Variants in KLF8 observed in about 807,000 individuals in gnomAD.
The protein encoded by KLF8 is Krueppel-like factor 8.
A neutral mutation model predicts 18.2 loss-of-function variants in KLF8; 10 were observed. The observed-to-expected ratio is 0.55, with a 90% CI of 0.34 to 0.93. The LOEUF (loss-of-function observed/expected upper bound fraction) is 0.93, where lower values mean the gene tolerates loss of function less well. Among genes scored for constraint, KLF8 ranks in the 40% least tolerant of loss-of-function variants. The pLI is 0.02. For synonymous variants in KLF8, 109 were observed against 97.3 expected (o/e 1.12, Z -0.71); for missense variants, 264 against 277.9 (o/e 0.95, Z 0.36).
the KLF8 span, among the ~76,000 whole-genome samples, chrX:56,035,832 C>A: frequency 9.0e-6 from 1 of 111,421 alleles, no homozygotes; most frequent in Non-Finnish European, 1.9e-5. Flanking sequence ...GGCTTTTTTG[C>A]TGTTGAGATG....
At chrX:56,058,302 A>ACATATATATATATATATG in the KLF8 span, among the ~76,000 whole-genome samples, 93 of 66,475 alleles carry the variant, frequency 1.4e-3, 2 homozygotes, top group African/African-American at 5.8e-3. Context: ...ATATATATAT[A>ACATATATATATATATATG]TATATATATA....
chrX:56,171,646 G>A, the KLF8 span, among the ~76,000 whole-genome samples: 1 of 111,467 alleles, frequency 9.0e-6, no homozygotes, highest in East Asian at 2.8e-4. Context: ...CCTTGTGATG[G>A]TTTGCTCAGA....
chrX:56,069,465 C>A, the KLF8 span, among the ~76,000 whole-genome samples: 15 of 111,549 alleles, frequency 1.3e-4, no homozygotes, highest in Non-Finnish European at 2.8e-4. Flanking sequence ...AAGCCCGCTT[C>A]TGTGGAAACT....
chrX:56,063,226 C>A, the KLF8 span, among the ~76,000 whole-genome samples: 1 of 111,269 alleles, frequency 9.0e-6, no homozygotes, highest in Non-Finnish European at 1.9e-5. Context: ...GATTTTGGAT[C>A]CTTTGTAGGA....
At chrX:56,277,537 C>A (rs2067138709) in intron 5 of KLF8, among the ~76,000 whole-genome samples, 2 of 112,150 alleles carry the variant, frequency 1.8e-5, no homozygotes, top group African/African-American at 6.5e-5. Context: ...GCCACCTAGA[C>A]CTGAGAGTGG....
At chrX:55,965,607 A>G in the KLF8 span, among the ~76,000 whole-genome samples, 3 of 112,339 alleles carry the variant, frequency 2.7e-5, no homozygotes, top group Non-Finnish European at 3.8e-5. Flanking sequence ...TTCTCTTCAC[A>G]GATGATATAA....
chrX:56,202,559 T>TCCCCCC, the KLF8 span, among the ~76,000 whole-genome samples: 2 of 75,803 alleles, frequency 2.6e-5, no homozygotes, highest in African/African-American at 4.8e-5. Context: ...CCATTAACCT[T>TCCCCCC]CCCCCCCCCT....
the KLF8 span, among the ~76,000 whole-genome samples, chrX:56,159,444 A>G: frequency 8.9e-6 from 1 of 112,709 alleles, no homozygotes; most frequent in Non-Finnish European, 1.9e-5. Context: ...ATTGATTGGA[A>G]TAGTTTCAGA....
At chrX:56,220,611 G>T in the KLF8 span, among the ~76,000 whole-genome samples, 1 of 110,323 alleles carries the variant, frequency 9.1e-6, no homozygotes, top group Admixed American at 9.6e-5. Flanking sequence ...TCAGCCTCCC[G>T]AGTAGTTGGG....
At chrX:56,130,912 G>C in the KLF8 span, among the ~76,000 whole-genome samples, 1 of 111,703 alleles carries the variant, frequency 9.0e-6, no homozygotes, top group Non-Finnish European at 1.9e-5. Flanking sequence ...GAACTTCAGT[G>C]CTCAAACACA....
At chrX:56,265,786 A>G in intron 3 of KLF8, 42 bp downstream of exon 3, 2 of 1,163,733 alleles carry the variant, frequency 1.7e-6, no homozygotes, top group Non-Finnish European at 1.1e-6. Context: ...TCCTGAATCT[A>G]TTCCCTTTTA....
chrX:56,052,641 G>A, the KLF8 span, among the ~76,000 whole-genome samples: 1 of 111,942 alleles, frequency 8.9e-6, no homozygotes, highest in Non-Finnish European at 1.9e-5. Context: ...ATCTCCAGCT[G>A]CGTGCTGGGA....
chrX:56,271,956 A>G (rs2067062925), intron 5 of KLF8, among the ~76,000 whole-genome samples: 1 of 111,798 alleles, frequency 8.9e-6, no homozygotes, highest in Non-Finnish European at 1.9e-5. Flanking sequence ...ATATACTAAA[A>G]GTCTGGCTGT....
chrX:56,095,340 A>C, the KLF8 span, among the ~76,000 whole-genome samples: 1 of 112,751 alleles, frequency 8.9e-6, no homozygotes, highest in African/African-American at 3.2e-5. Flanking sequence ...TTTAATACTT[A>C]AATGTAAGAC....
At chrX:56,104,657 A>G in the KLF8 span, among the ~76,000 whole-genome samples, 1 of 111,392 alleles carries the variant, frequency 9.0e-6, no homozygotes, top group African/African-American at 3.3e-5. Flanking sequence ...GATCTTTTCA[A>G]AAAACCAGCT....
chrX:55,941,959 C>T, the KLF8 span, among the ~76,000 whole-genome samples: 12 of 111,351 alleles, frequency 1.1e-4, no homozygotes, highest in East Asian at 2.8e-4. Flanking sequence ...GTCAGTGTGG[C>T]GATTCTTCAG....
chrX:56,147,867 A>T, the KLF8 span, among the ~76,000 whole-genome samples: 1 of 111,685 alleles, frequency 9.0e-6, no homozygotes, highest in Non-Finnish European at 1.9e-5. Flanking sequence ...AATCCTAGCT[A>T]CTCAGGAGGC....
At chrX:55,965,608 G>A in the KLF8 span, among the ~76,000 whole-genome samples, 1 of 112,159 alleles carries the variant, frequency 8.9e-6, no homozygotes, top group Non-Finnish European at 1.9e-5. Context: ...TCTCTTCACA[G>A]ATGATATAAT....
chrX:56,163,626 T>C, the KLF8 span, among the ~76,000 whole-genome samples: 2 of 112,187 alleles, frequency 1.8e-5, no homozygotes, highest in Non-Finnish European at 3.8e-5. Flanking sequence ...TTTGATTTGT[T>C]GCAGTTGCTT....
Sources: gnomAD v4.1 joint callset for allele counts (sites outside exome capture counted in the v4.1 genomes callset) on GRCh38, gnomAD v4.1.1 for gene constraint, MANE v1.5 for transcripts, NCBI Gene and HGNC (gene_info 2026-07-23, HGNC 2026-07-21) for gene names.